The following B3GALNT2 variants were observed in gnomAD, a reference collection of about 807,000 sequenced individuals.
B3GALNT2 encodes beta-1,3-N-acetylgalactosaminyltransferase 2.
Under a neutral mutation model 61.1 loss-of-function variants are expected in B3GALNT2, and 53 were observed. That is an observed-to-expected ratio of 0.87 (90% CI 0.70 to 1.09). The LOEUF is 1.09. Ranked by LOEUF, B3GALNT2 falls within the 50% of genes least tolerant of loss-of-function variation. The pLI, the probability that B3GALNT2 is intolerant of heterozygous loss-of-function variation, is 0.00. For missense variants in B3GALNT2, 544 were observed against 623.0 expected (o/e 0.87, Z 1.35); for synonymous variants, 223 against 237.4 (o/e 0.94, Z 0.56).
At chr1:235,475,028 T>C (rs1684206905) in intron 5 of B3GALNT2, among the ~76,000 whole-genome samples, 1 of 127,938 alleles carries the variant, frequency 7.8e-6, no homozygotes, top group South Asian at 2.9e-4. Flanking sequence ...AGTCTCGCTC[T>C]GTCTCTGTCA....
At position 235,504,368 on chromosome 1, in the gene B3GALNT2, C is replaced by A. The variant is rs1174465591; in HGVS notation, c.-116G>T. 7.3e-6 allele frequency: 9 copies of A among 1,226,296 alleles called. No individual in the cohort carries two copies. The highest frequency in any genetic ancestry group is 9.7e-6 in the Non-Finnish European group (9 of 930,226). The allele number at this position is 1,226,296 out of a possible 1,614,324, so 76.0% of individuals were successfully genotyped here. Reference sequence around the variant, plus strand: ...GAGCGACCACTCCGAGCACGCCCGCCCTCGCGCTCGGCGACGTCTGGGGGG... The same window carrying A: ...GAGCGACCACTCCGAGCACGCCCGCACTCGCGCTCGGCGACGTCTGGGGGG... On this transcript the variant is annotated 5_prime_UTR_variant, in exon 1 of 12. Transcript: ENST00000366600.
Position 235,448,283 on chromosome 1 carries a change from C to CAT in B3GALNT2, c.*1921_*1922dup. 1 of 1,191,838 alleles carries CAT rather than the reference C, an allele frequency of 8.4e-7. No homozygotes were observed. Among genetic ancestry groups the CAT allele is most frequent in the Non-Finnish European group, 1.2e-6 (1 of 804,866 alleles). The allele number at this position is 1,191,838 out of a possible 1,614,324, so 73.8% of individuals were successfully genotyped here. On this transcript the variant is annotated 3_prime_UTR_variant, in exon 12 of 12. Coordinates refer to ENST00000366600, the MANE Select transcript of B3GALNT2 (RefSeq NM_152490.5). ...TTGCAATGATACTGTGGTCTCATCA[C>CAT]ATGAGCTAGTTTTACAGGTAACTGT...
At chr1:235,480,955 T>G (rs1684539112) in intron 4 of B3GALNT2, among the ~76,000 whole-genome samples, 1 of 145,152 alleles carries the variant, frequency 6.9e-6, no homozygotes, top group African/African-American at 2.5e-5. Context: ...ACCGGACTGA[T>G]TTTCACTATG....
At chr1:235,491,310 A>C (rs1291389333) in intron 2 of B3GALNT2, among the ~76,000 whole-genome samples, 2 of 152,362 alleles carry the variant, frequency 1.3e-5, no homozygotes, top group Admixed American at 1.3e-4. Flanking sequence ...TCTGACAAAC[A>C]ACAAAAGCGT....
chr1:235,491,073 G>C (rs1187006284), intron 2 of B3GALNT2, among the ~76,000 whole-genome samples: 1 of 145,540 alleles, frequency 6.9e-6, no homozygotes, highest in African/African-American at 2.5e-5. Flanking sequence ...AGCCACTACA[G>C]AGTGAATAGT....
downstream of B3GALNT2, among the ~76,000 whole-genome samples, chr1:235,445,683 A>G (rs1373073005): frequency 2.6e-5 from 4 of 151,926 alleles, no homozygotes; most frequent in African/African-American, 4.8e-5. Flanking sequence ...TTTTTTATCC[A>G]TTAGATTAGC....
downstream of B3GALNT2, among the ~76,000 whole-genome samples, chr1:235,445,462 C>G (rs1459189225): frequency 6.6e-6 from 1 of 152,086 alleles, no homozygotes; most frequent in African/African-American, 2.4e-5. Context: ...AACCCCGTCT[C>G]TACAAAAATA....
chr1:235,450,615 A>G (rs780434557), intron 11 of B3GALNT2: 2 of 384,572 alleles, frequency 5.2e-6, no homozygotes, highest in Non-Finnish European at 4.9e-6. Flanking sequence ...GAACGATTTT[A>G]GAAACCACAA....
chr1:235,495,197 A>G (rs572916552), intron 1 of B3GALNT2, among the ~76,000 whole-genome samples: 32 of 152,216 alleles, frequency 2.1e-4, no homozygotes, highest in Middle Eastern at 3.2e-3. Context: ...TATATTAACT[A>G]TAAGTTATTT....
downstream of B3GALNT2, among the ~76,000 whole-genome samples, chr1:235,443,854 C>T (rs1245138569): frequency 6.6e-6 from 1 of 152,136 alleles, no homozygotes; most frequent in African/African-American, 2.4e-5. Flanking sequence ...AATAAATATG[C>T]TTGTGTCAAT....
At chr1:235,467,109 G>A (rs1223728699) in intron 6 of B3GALNT2, among the ~76,000 whole-genome samples, 1 of 152,166 alleles carries the variant, frequency 6.6e-6, no homozygotes, top group African/African-American at 2.4e-5. Context: ...AGCACTTTGG[G>A]AGGCGGAGGC....
chr1:235,502,429 TA>T (rs545751460), intron 1 of B3GALNT2, among the ~76,000 whole-genome samples: 22 of 151,846 alleles, frequency 1.4e-4, no homozygotes, highest in Middle Eastern at 3.4e-3. Context: ...TCCCGGAACT[TA>T]AAAAAAAATC....
chr1:235,454,405 G>A (rs1683070219), intron 9 of B3GALNT2, 90 bp from the exon 10 acceptor site: 1 of 1,239,588 alleles, frequency 8.1e-7, no homozygotes, highest in Non-Finnish European at 1.1e-6. Context: ...CACTACAAAG[G>A]AATAAGCTTG....
chr1:235,444,913 G>A (rs1682142884), downstream of B3GALNT2, among the ~76,000 whole-genome samples: 1 of 152,226 alleles, frequency 6.6e-6, no homozygotes, highest in Admixed American at 6.5e-5. Flanking sequence ...CTGCCGTCTG[G>A]GCATATGCCT....
At chr1:235,463,594 G>A (rs1298463517) in intron 7 of B3GALNT2, 2 of 137,348 alleles carry the variant, frequency 1.5e-5, no homozygotes, top group East Asian at 2.1e-4. Context: ...TTTTTGAGAC[G>A]GAGTCTTGCT....
intron 10 of B3GALNT2, among the ~76,000 whole-genome samples, 166 bp from the exon 11 acceptor site, chr1:235,453,312 G>T (rs1683013014): frequency 6.6e-6 from 1 of 152,040 alleles, no homozygotes; most frequent in Admixed American, 6.6e-5. Flanking sequence ...AAAGCTAGTG[G>T]TCTTTAATAT....
intron 1 of B3GALNT2, among the ~76,000 whole-genome samples, chr1:235,502,998 A>G (rs1685649267): frequency 6.6e-6 from 1 of 152,258 alleles, no homozygotes; most frequent in African/African-American, 2.4e-5. Context: ...TATTCAGGTC[A>G]CACAAATCCT....
intron 1 of B3GALNT2, among the ~76,000 whole-genome samples, chr1:235,498,578 C>G (rs553986444): frequency 6.6e-6 from 1 of 152,000 alleles, no homozygotes; most frequent in Non-Finnish European, 1.5e-5. Context: ...GTGGCTCATG[C>G]CTATAATCCC....
chr1:235,478,311 A>G (rs1684387479), intron 5 of B3GALNT2, among the ~76,000 whole-genome samples: 1 of 152,190 alleles, frequency 6.6e-6, no homozygotes, highest in Non-Finnish European at 1.5e-5. Flanking sequence ...TTGGCCTCCC[A>G]AAGTGCTGGG....
Sources: gnomAD v4.1 joint callset for allele counts (sites outside exome capture counted in the v4.1 genomes callset) on GRCh38, gnomAD v4.1.1 for gene constraint, MANE v1.5 for transcripts, NCBI Gene and HGNC (gene_info 2026-07-23, HGNC 2026-07-21) for gene names.